FHIP1A: variants seen among roughly 807,000 people sequenced by gnomAD.
FHIP1A encodes FHF complex subunit HOOK interacting protein 1A.
A neutral mutation model predicts 88.6 loss-of-function variants in FHIP1A; 61 were observed. The ratio of observed to expected loss-of-function variants is 0.69; its 90% CI spans 0.56 to 0.85. The LOEUF is 0.85. Among genes scored for constraint, FHIP1A ranks in the 40% least tolerant of loss-of-function variants. FHIP1A has a pLI of 0.00. For missense variants in FHIP1A, 1,154 were observed against 1,273.5 expected (o/e 0.91, Z 1.43); for synonymous variants, 478 against 496.0 (o/e 0.96, Z 0.48).
intron 3 of FHIP1A, among the ~76,000 whole-genome samples, chr4:151,508,505 A>G (rs1294965698): frequency 2.0e-5 from 3 of 152,194 alleles, no homozygotes; most frequent in African/African-American, 7.2e-5. Flanking sequence ...CTGAAGCTAT[A>G]GGTAAATGAT....
At chr4:151,482,047 A>G (rs1255259917) in intron 2 of FHIP1A, among the ~76,000 whole-genome samples, 1 of 152,138 alleles carries the variant, frequency 6.6e-6, no homozygotes, top group Non-Finnish European at 1.5e-5. Context: ...GAAAACCTGA[A>G]CTATGAATTG....
At chr4:151,418,788 C>T (rs1490849994) in intron 1 of FHIP1A, among the ~76,000 whole-genome samples, 2 of 152,164 alleles carry the variant, frequency 1.3e-5, no homozygotes, top group Non-Finnish European at 2.9e-5. Context: ...AGTAACTCTG[C>T]ATCTTAATTG....
chr4:151,642,917 T>G (rs4696281), intron 9 of FHIP1A, among the ~76,000 whole-genome samples: 42,475 of 148,894 alleles, frequency 0.29, 6,252 homozygotes, highest in Non-Finnish European at 0.33. Flanking sequence ...ATATGATACA[T>G]ATTTTATTTA....
rs1560831519 is a variant in FHIP1A, at chr4:151,664,712, C to CT, written c.*1959dup. ...AAGTTCGGCTGTAATTTATTATACTCTGTTTGTTTTTGCACAAGTATTTAT... is the reference window on the plus strand; with the variant it reads ...AAGTTCGGCTGTAATTTATTATACTCTTGTTTGTTTTTGCACAAGTATTTAT... On this transcript the variant is annotated 3_prime_UTR_variant, in exon 14 of 14. Coordinates refer to ENST00000435205, the MANE Select transcript of FHIP1A (RefSeq NM_001109977.3). Among the ~76,000 whole-genome samples the CT allele has an allele frequency of 6.6e-6, 1 of 152,192 alleles. No homozygotes were observed. Among genetic ancestry groups the CT allele is most frequent in the Non-Finnish European group, 1.5e-5 (1 of 68,024 alleles).
intron 3 of FHIP1A, among the ~76,000 whole-genome samples, chr4:151,556,605 C>G (rs1354067750): frequency 6.6e-6 from 1 of 152,100 alleles, no homozygotes; most frequent in African/African-American, 2.4e-5. Context: ...GAAGCCCCTC[C>G]AGGGTAGTTA....
At chr4:151,528,691 T>C (rs1371375531) in intron 3 of FHIP1A, among the ~76,000 whole-genome samples, 2 of 152,206 alleles carry the variant, frequency 1.3e-5, no homozygotes, top group Admixed American at 6.5e-5. Context: ...TTTTAGGTTT[T>C]TTCACTGTTG....
chr4:151,415,596 G>C (rs1732861870), intron 1 of FHIP1A, among the ~76,000 whole-genome samples: 1 of 152,156 alleles, frequency 6.6e-6, no homozygotes, highest in Admixed American at 6.5e-5. Context: ...GTACACTTGT[G>C]TTTTCTGTAG....
intron 3 of FHIP1A, among the ~76,000 whole-genome samples, chr4:151,521,845 C>T (rs1357233470): frequency 6.6e-6 from 1 of 152,170 alleles, no homozygotes; most frequent in Non-Finnish European, 1.5e-5. Context: ...CCACCTCACC[C>T]TCCCAAGTAG....
intron 1 of FHIP1A, among the ~76,000 whole-genome samples, chr4:151,409,838 G>C (rs1490336042): frequency 1.3e-5 from 2 of 152,150 alleles, no homozygotes; most frequent in Non-Finnish European, 2.9e-5. Flanking sequence ...AAAAGGCAAA[G>C]AGATGTGGAG....
rs57147339 is a variant in FHIP1A at position 151,443,685 on chromosome 4, C to CTGTGTGTGTGTGTGTGTGTGTG, written c.-355-10998_-355-10977dup. ...GAGTGAGAATTCTAAATGAAGCACT[C>CTGTGTGTGTGTGTGTGTGTGTG]TGTGTGTGTGTGTGTGTGTGTGTGT... On this transcript the variant is annotated intron_variant, in intron 1 of 13. Coordinates refer to ENST00000435205, the MANE Select transcript of FHIP1A (RefSeq NM_001109977.3). Among the ~76,000 whole-genome samples, 570 of 122,146 alleles carry CTGTGTGTGTGTGTGTGTGTGTG rather than the reference C, an allele frequency of 4.7e-3. 11 individuals carry two copies. The highest frequency in any genetic ancestry group is 6.0e-3 in the Non-Finnish European group (353 of 58,652). The allele number at this position is 122,146 out of a possible 152,430, so 80.1% of individuals were successfully genotyped here. A position where few individuals can be genotyped will look rare whatever the true frequency, so the allele number is the denominator to read the frequency against.
At chr4:151,415,208 A>G (rs1170290086) in intron 1 of FHIP1A, among the ~76,000 whole-genome samples, 2 of 148,846 alleles carry the variant, frequency 1.3e-5, no homozygotes, top group Non-Finnish European at 3.0e-5. Flanking sequence ...TTTTTTTGAG[A>G]TGGAGTCTTG....
At chr4:151,479,194 AAGAC>A (rs1329591319) in intron 2 of FHIP1A, among the ~76,000 whole-genome samples, 1 of 152,062 alleles carries the variant, frequency 6.6e-6, no homozygotes, top group Non-Finnish European at 1.5e-5. Context: ...TAATATGGAG[AAGAC>A]AGTATTACTG....
At chr4:151,605,864 G>C (rs532099439) in intron 7 of FHIP1A, among the ~76,000 whole-genome samples, 8 of 152,348 alleles carry the variant, frequency 5.3e-5, no homozygotes, top group African/African-American at 1.7e-4. Flanking sequence ...CCCACTTGCT[G>C]TAAGTGTGTA....
chr4:151,530,628 G>T (rs1731837362), intron 3 of FHIP1A, among the ~76,000 whole-genome samples: 1 of 152,192 alleles, frequency 6.6e-6, no homozygotes, highest in South Asian at 2.1e-4. Context: ...TCTTGTAAAT[G>T]AACTCTGGGA....
chr4:151,476,188 C>T (rs1221885082), intron 2 of FHIP1A, among the ~76,000 whole-genome samples: 1 of 127,722 alleles, frequency 7.8e-6, no homozygotes, highest in Non-Finnish European at 1.6e-5. Flanking sequence ...TTTGCCCAGG[C>T]TGGAGCGCAG....
At chr4:151,636,186 A>G (rs1470109121) in intron 8 of FHIP1A, among the ~76,000 whole-genome samples, 1 of 152,038 alleles carries the variant, frequency 6.6e-6, no homozygotes, top group Admixed American at 6.6e-5. Flanking sequence ...AAATCAATTA[A>G]TGTAATACAT....
At chr4:151,524,609 G>A (rs1352762166) in intron 3 of FHIP1A, among the ~76,000 whole-genome samples, 5 of 152,200 alleles carry the variant, frequency 3.3e-5, no homozygotes, top group African/African-American at 4.8e-5. Context: ...GTGAACAGAG[G>A]GCTGATGCTA....
At chr4:151,510,944 G>A (rs1731006551) in intron 3 of FHIP1A, among the ~76,000 whole-genome samples, 1 of 152,140 alleles carries the variant, frequency 6.6e-6, no homozygotes, top group Admixed American at 6.5e-5. Context: ...AGATAACTAA[G>A]TTGAATTTCA....
chr4:151,509,178 T>G lies in FHIP1A; in HGVS notation c.-123+26530T>G, dbSNP rs144547426. On this transcript the variant is annotated intron_variant, in intron 3 of 13. Transcript: ENST00000435205. ...AAGTATTTTTTTTGTTTGTTTGTTT[T>G]TTTTGAGACAGTCTCACTCTGTCGC... 2.9e-3 allele frequency among the ~76,000 whole-genome samples: 441 copies of G among 152,292 alleles called. 1 individual carries two copies. The highest frequency in any genetic ancestry group is 9.1e-3 in the African/African-American group (380 of 41,550).
Sources: allele counts gnomAD v4.1 joint callset (sites outside exome capture counted in the v4.1 genomes callset), GRCh38; gene constraint gnomAD v4.1.1; transcripts MANE v1.5; gene names NCBI Gene and HGNC (gene_info 2026-07-23, HGNC 2026-07-21).